The following CALN1 variants were observed in gnomAD, a reference collection of about 807,000 sequenced individuals.
CALN1 encodes the protein calcium-binding protein 8.
In CALN1, 17 loss-of-function variants were observed where a neutral mutation model predicts 30.6. The observed-to-expected ratio is 0.56, with a 90% CI of 0.38 to 0.83. The LOEUF (loss-of-function observed/expected upper bound fraction) is 0.83. Among genes scored for constraint, CALN1 ranks in the 40% least tolerant of loss-of-function variants. The pLI is 0.00. For synonymous variants in CALN1, 156 were observed against 131.4 expected (o/e 1.19, Z -1.28); for missense variants, 291 against 354.9 (o/e 0.82, Z 1.45).
intron 4 of CALN1, among the ~76,000 whole-genome samples, chr7:72,081,990 CT>C (rs151149820): frequency 1.3e-5 from 2 of 151,090 alleles, no homozygotes; most frequent in African/African-American, 2.4e-5. Context: ...TGGAACAAAC[CT>C]TTTTTTTTCT....
intron 3 of CALN1, among the ~76,000 whole-genome samples, chr7:72,151,449 C>T (rs1038052668): frequency 5.9e-5 from 9 of 152,170 alleles, no homozygotes; most frequent in South Asian, 2.1e-4. Flanking sequence ...AAGATCCTAT[C>T]TCTAAATGAG....
chr7:72,358,200 C>G (rs889120871), intron 2 of CALN1, among the ~76,000 whole-genome samples: 1 of 151,786 alleles, frequency 6.6e-6, no homozygotes, highest in Non-Finnish European at 1.5e-5. Context: ...ACTATGTTGC[C>G]CAGGCACTGG....
the CALN1 span, among the ~76,000 whole-genome samples, chr7:72,459,238 G>C: frequency 6.6e-6 from 1 of 152,076 alleles, no homozygotes; most frequent in Non-Finnish European, 1.5e-5. Context: ...AGTGAGCTTA[G>C]CTCCCTGATG....
chr7:72,132,495 C>T (rs940960023), intron 3 of CALN1, among the ~76,000 whole-genome samples: 1 of 152,090 alleles, frequency 6.6e-6, no homozygotes, highest in African/African-American at 2.4e-5. Flanking sequence ...ATTTTCATTA[C>T]TATAGAACAT....
chr7:72,338,155 C>T (rs569064956), intron 2 of CALN1, among the ~76,000 whole-genome samples: 8 of 152,286 alleles, frequency 5.3e-5, no homozygotes, highest in African/African-American at 1.9e-4. Flanking sequence ...CAGTTCCTTT[C>T]TGCTGCCCCC....
In CALN1 at chr7:72,267,058, GAGGA is replaced by G. The variant is rs139549238; in HGVS notation, c.244+11624_244+11627del. Reference sequence around the variant, plus strand: ...TTGCGTAGGTTTTAGGCTTCCTCTGGAGGAGAGAACTTTGAGCCATCAGATAAGA... The same window carrying G: ...TTGCGTAGGTTTTAGGCTTCCTCTGGGAGAACTTTGAGCCATCAGATAAGA... On this transcript the variant is annotated intron_variant, in intron 3 of 6. Coordinates refer to ENST00000395275, the MANE Select transcript of CALN1 (RefSeq NM_031468.4). Among the ~76,000 whole-genome samples the G allele has an allele frequency of 5.9e-5, 9 of 152,302 alleles. No homozygotes were observed. In the East Asian group the frequency reaches 1.7e-3, roughly 29 times the overall value.
At chr7:71,833,502 G>A (rs1028472898) in intron 5 of CALN1, among the ~76,000 whole-genome samples, 3 of 151,664 alleles carry the variant, frequency 2.0e-5, no homozygotes, top group Admixed American at 1.3e-4. Flanking sequence ...ATTAAAGCAA[G>A]GAGAGGGGTG....
intron 3 of CALN1, among the ~76,000 whole-genome samples, chr7:72,245,079 A>G (rs1424471043): frequency 6.6e-6 from 1 of 152,178 alleles, no homozygotes; most frequent in Non-Finnish European, 1.5e-5. Context: ...GTAGGTGATG[A>G]GTTCTCTTGG....
chr7:72,104,477 T>C (rs1363375541), intron 4 of CALN1, among the ~76,000 whole-genome samples: 1 of 152,138 alleles, frequency 6.6e-6, no homozygotes, highest in South Asian at 2.1e-4. Flanking sequence ...CCATGGTGGT[T>C]TGCTGCACAG....
At chr7:71,850,624 G>A (rs1381426984) in intron 5 of CALN1, among the ~76,000 whole-genome samples, 1 of 152,172 alleles carries the variant, frequency 6.6e-6, no homozygotes, top group East Asian at 1.9e-4. Context: ...TTGTAGGGGG[G>A]AGGTTATAGA....
chr7:72,423,183 A>C (rs1459533270), intron 1 of CALN1, among the ~76,000 whole-genome samples: 1 of 151,380 alleles, frequency 6.6e-6, no homozygotes, highest in Non-Finnish European at 1.5e-5. Flanking sequence ...CCTAATCTTA[A>C]TTTTTACTGG....
At chr7:71,953,459 G>GAGAAAGATAT (rs1562931934) in intron 5 of CALN1, among the ~76,000 whole-genome samples, 2 of 152,098 alleles carry the variant, frequency 1.3e-5, no homozygotes. Context: ...TCATTGGCAG[G>GAGAAAGATAT]AGAAAGATAT....
At chr7:72,135,489 T>C (rs1457530093) in intron 3 of CALN1, among the ~76,000 whole-genome samples, 1 of 152,218 alleles carries the variant, frequency 6.6e-6, no homozygotes, top group African/African-American at 2.4e-5. Context: ...TTAGAGCTCT[T>C]GGGTGACCAG....
intron 5 of CALN1, among the ~76,000 whole-genome samples, chr7:71,955,676 G>A (rs1000690334): frequency 2.6e-5 from 4 of 151,970 alleles, no homozygotes; most frequent in African/African-American, 9.7e-5. Flanking sequence ...GTAATATAGG[G>A]TACAGATCTT....
intron 5 of CALN1, among the ~76,000 whole-genome samples, chr7:71,917,091 AGG>A (rs1292909364): frequency 6.6e-6 from 1 of 152,210 alleles, no homozygotes; most frequent in East Asian, 1.9e-4. Flanking sequence ...CTAGTTGAGA[AGG>A]TGCTTTTCTG....
rs868591051 is a variant in CALN1, at chr7:72,066,258, C to T, written c.388+39893G>A. Among the ~76,000 whole-genome samples, 3 of 152,310 alleles carry T rather than the reference C, an allele frequency of 2.0e-5. No individual in the cohort carries two copies. The South Asian group carries it at 6.2e-4, about 32-fold the overall frequency. Reference sequence around the variant, plus strand: ...AGGCACTGGCTTCAGGGAAGCACTGCTAAAACTTTTCAACACAATAAAGTG... The same window carrying T: ...AGGCACTGGCTTCAGGGAAGCACTGTTAAAACTTTTCAACACAATAAAGTG... On this transcript the variant is annotated intron_variant, in intron 4 of 6. Transcript: ENST00000395275.
At chr7:72,061,277 A>G (rs972188266) in intron 4 of CALN1, among the ~76,000 whole-genome samples, 2 of 152,344 alleles carry the variant, frequency 1.3e-5, no homozygotes, top group South Asian at 4.1e-4. Flanking sequence ...TTTGACCTGT[A>G]TAAGAAAACA....
At chr7:72,483,224 T>C in the CALN1 span, among the ~76,000 whole-genome samples, 3 of 151,972 alleles carry the variant, frequency 2.0e-5, no homozygotes, top group Admixed American at 2.0e-4. Context: ...CTGATGTTTT[T>C]TGTGGGGTTT....
At chr7:72,499,834 T>TCCC in the CALN1 span, among the ~76,000 whole-genome samples, 1 of 29,218 alleles carries the variant, frequency 3.4e-5, no homozygotes, top group Non-Finnish European at 6.1e-5. Flanking sequence ...TCCTTCTTTC[T>TCCC]TTCTTTCTTT....
Sources: allele counts gnomAD v4.1 joint callset (sites outside exome capture counted in the v4.1 genomes callset), GRCh38; gene constraint gnomAD v4.1.1; transcripts MANE v1.5; gene names NCBI Gene and HGNC (gene_info 2026-07-23, HGNC 2026-07-21).